TUSC3: variants seen among roughly 807,000 people sequenced by gnomAD.
TUSC3 encodes tumor suppressor candidate 3.
A neutral mutation model predicts 44.8 loss-of-function variants in TUSC3; 45 were observed. The ratio of observed to expected loss-of-function variants is 1.00; its 90% CI spans 0.79 to 1.29. TUSC3 has a LOEUF of 1.29. TUSC3 is among the 50% of genes most tolerant of loss of function. The pLI, the probability that TUSC3 is intolerant of heterozygous loss-of-function variation, is 0.00. For synonymous variants in TUSC3, 212 were observed against 152.9 expected (o/e 1.39, Z -2.85); for missense variants, 519 against 437.9 (o/e 1.19, Z -1.65).
At chr8:15,661,700 A>G (rs981232049) in intron 4 of TUSC3, among the ~76,000 whole-genome samples, 2 of 151,978 alleles carry the variant, frequency 1.3e-5, no homozygotes, top group Non-Finnish European at 2.9e-5. Flanking sequence ...ATACTATACT[A>G]CAGTCTTCGT....
At chr8:15,610,722 G>C (rs2129158676) in intron 1 of TUSC3, among the ~76,000 whole-genome samples, 1 of 152,268 alleles carries the variant, frequency 6.6e-6, no homozygotes, top group East Asian at 1.9e-4. Flanking sequence ...GGGCTACTGT[G>C]TTAGCAATTC....
At chr8:15,717,386 C>T (rs1050758868) in intron 6 of TUSC3, among the ~76,000 whole-genome samples, 5 of 151,906 alleles carry the variant, frequency 3.3e-5, no homozygotes, top group South Asian at 4.1e-4. Flanking sequence ...TTGAGAGTAA[C>T]GAAGAGACTG....
intron 6 of TUSC3, among the ~76,000 whole-genome samples, chr8:15,703,989 C>G (rs1006995227): frequency 6.6e-6 from 1 of 152,100 alleles, no homozygotes; most frequent in African/African-American, 2.4e-5. Context: ...ATAGATAAAG[C>G]TTATAACCTC....
intron 2 of TUSC3, among the ~76,000 whole-genome samples, chr8:15,490,501 T>C (rs1463147697): frequency 6.6e-6 from 1 of 152,016 alleles, no homozygotes; most frequent in Non-Finnish European, 1.5e-5. Flanking sequence ...CCTGCTGACG[T>C]TGAGGTTTGG....
At chr8:15,458,603 G>A (rs778711692) in intron 1 of TUSC3, among the ~76,000 whole-genome samples, 13 of 152,164 alleles carry the variant, frequency 8.5e-5, no homozygotes, top group Non-Finnish European at 1.3e-4. Context: ...GACCAACGAT[G>A]AATGTGTTAT....
chr8:15,569,701 A>T (rs985808909), intron 1 of TUSC3, among the ~76,000 whole-genome samples: 1 of 152,144 alleles, frequency 6.6e-6, no homozygotes. Flanking sequence ...GGTAGGGTAG[A>T]CGGTTTGAAA....
chr8:15,771,702 A>T, the TUSC3 span, among the ~76,000 whole-genome samples: 2 of 152,178 alleles, frequency 1.3e-5, no homozygotes, highest in African/African-American at 4.8e-5. Flanking sequence ...CCTGAAGACA[A>T]ATGAAAACAA....
At chr8:15,767,395 C>A (rs1812361567), downstream of TUSC3, among the ~76,000 whole-genome samples, 1 of 144,926 alleles carries the variant, frequency 6.9e-6, no homozygotes, top group African/African-American at 2.6e-5. Context: ...AAAATGACAG[C>A]AAGGAATTCC....
chr8:15,580,958 T>G (rs1471600880), intron 1 of TUSC3, among the ~76,000 whole-genome samples: 1 of 106,192 alleles, frequency 9.4e-6, no homozygotes, highest in East Asian at 2.8e-4. Flanking sequence ...GGTACACCAA[T>G]CAGACGTAGA....
chr8:15,739,791 TATC>T (rs1265444526), intron 7 of TUSC3, among the ~76,000 whole-genome samples: 1 of 152,218 alleles, frequency 6.6e-6, no homozygotes, highest in African/African-American at 2.4e-5. Context: ...CAATGCTTGT[TATC>T]ATTTTCATCT....
chr8:15,655,801 C>T (rs1807136796), intron 3 of TUSC3, among the ~76,000 whole-genome samples: 1 of 152,128 alleles, frequency 6.6e-6, no homozygotes, highest in African/African-American at 2.4e-5. Context: ...CTAAATAGTT[C>T]TTATTACTAT....
At chr8:15,648,133 C>G (rs1343440347) in intron 2 of TUSC3, among the ~76,000 whole-genome samples, 1 of 152,174 alleles carries the variant, frequency 6.6e-6, no homozygotes, top group Non-Finnish European at 1.5e-5. Flanking sequence ...TTACTGGACT[C>G]TAGGTCCTTC....
intron 2 of TUSC3, among the ~76,000 whole-genome samples, chr8:15,523,700 G>GTATATA (rs1373439598): frequency 3.9e-5 from 4 of 103,296 alleles, no homozygotes; most frequent in African/African-American, 1.7e-4. Context: ...GTGTGTGTGT[G>GTATATA]TGTGTGTGTA....
intron 1 of TUSC3, among the ~76,000 whole-genome samples, chr8:15,464,509 A>T (rs1371067114): frequency 1.3e-5 from 2 of 152,158 alleles, no homozygotes; most frequent in African/African-American, 4.8e-5. Flanking sequence ...CTATCTAGTG[A>T]TCTGTTTGAC....
the TUSC3 span, among the ~76,000 whole-genome samples, chr8:15,792,313 A>T: frequency 6.6e-6 from 1 of 152,222 alleles, no homozygotes; most frequent in Non-Finnish European, 1.5e-5. Flanking sequence ...TCAACAAGAA[A>T]CATGCATAGT....
intron 2 of TUSC3, among the ~76,000 whole-genome samples, chr8:15,535,171 GC>G (rs1158284076): frequency 6.6e-6 from 1 of 152,176 alleles, no homozygotes; most frequent in African/African-American, 2.4e-5. Flanking sequence ...ATGATATATA[GC>G]AGGTTAGATT....
intron 7 of TUSC3, among the ~76,000 whole-genome samples, chr8:15,740,469 T>C (rs1811143181): frequency 6.6e-6 from 1 of 151,408 alleles, no homozygotes; most frequent in South Asian, 2.1e-4. Context: ...AAAAAAAATG[T>C]TGTCCTCCAA....
intron 5 of TUSC3, among the ~76,000 whole-genome samples, chr8:15,673,449 C>T (rs575071132): frequency 1.3e-5 from 2 of 152,138 alleles, no homozygotes; most frequent in South Asian, 2.1e-4. Flanking sequence ...CTCAGGTGAG[C>T]ACATAGTATC....
chr8:15,806,195 A>T, the TUSC3 span: 1 of 492,904 alleles, frequency 2.0e-6, no homozygotes, highest in Non-Finnish European at 3.9e-6. Flanking sequence ...CATTTTTATA[A>T]AGATTCCGTC....
Sources: gnomAD v4.1 joint callset for allele counts (sites outside exome capture counted in the v4.1 genomes callset) on GRCh38, gnomAD v4.1.1 for gene constraint, MANE v1.5 for transcripts, NCBI Gene and HGNC (gene_info 2026-07-23, HGNC 2026-07-21) for gene names.